Variants in ZNF469 observed in about 807,000 individuals in gnomAD.
ZNF469 encodes zinc finger protein 469.
Under a neutral mutation model 1.0 loss-of-function variants are expected in ZNF469, and 1 was observed. The ratio of observed to expected loss-of-function variants is 1.00; its 90% CI spans 0.35 to 4.73. The LOEUF (loss-of-function observed/expected upper bound fraction) is 4.73, where lower values mean the gene tolerates loss of function less well. ZNF469 is among the 30% of genes most tolerant of loss of function. The pLI is 0.16. For synonymous variants in ZNF469, 2,703 were observed against 2,363.4 expected (o/e 1.14, Z -4.17); for missense variants, 6,100 against 5,356.3 (o/e 1.14, Z -4.33).
the ZNF469 span, among the ~76,000 whole-genome samples, chr16:88,315,378 G>A: frequency 1.3e-5 from 2 of 152,240 alleles, no homozygotes; most frequent in Non-Finnish European, 2.9e-5. Flanking sequence ...GACCCAGGAA[G>A]TGGGGGCCGT....
At chr16:88,411,118 G>C (rs1905148529) in intron 1 of ZNF469, among the ~76,000 whole-genome samples, 1 of 152,182 alleles carries the variant, frequency 6.6e-6, no homozygotes. Flanking sequence ...CCTATGTCTA[G>C]GTAAGGTCAC....
At position 88,434,957 on chromosome 16, in the gene ZNF469, G is replaced by C. The variant is rs878852985; in HGVS notation, c.7487G>C (p.Arg2496Pro). The C allele has an allele frequency of 9.7e-6, 15 of 1,549,758 alleles. No homozygotes were observed. In the East Asian group the frequency reaches 1.5e-4, roughly 15 times the overall value. The change falls in exon 3 of 3, where the codon CGG (arginine) becomes CCG (proline). Residue 2496 changes from arginine to proline, a missense_variant. Transcript: ENST00000565624. Reference sequence around the variant, plus strand: ...AGCCGGCACAAGGCCAGGAAGCACCGGCCACACCCGGGAGCCCCCGCGGAG... The same window carrying C: ...AGCCGGCACAAGGCCAGGAAGCACCCGCCACACCCGGGAGCCCCCGCGGAG... ...GLSRHKARKH[R>P]PHPGAPAEPS...
chr16:88,159,009 C>G, the ZNF469 span, among the ~76,000 whole-genome samples: 1 of 152,174 alleles, frequency 6.6e-6, no homozygotes, highest in Non-Finnish European at 1.5e-5. Flanking sequence ...TCAGTTTGTA[C>G]AGAACTTGTG....
At chr16:88,137,223 G>A in the ZNF469 span, among the ~76,000 whole-genome samples, 1 of 152,208 alleles carries the variant, frequency 6.6e-6, no homozygotes, top group East Asian at 1.9e-4. Context: ...AGCTATGCAT[G>A]TATACCACCA....
At chr16:88,252,067 A>G in the ZNF469 span, among the ~76,000 whole-genome samples, 1 of 148,610 alleles carries the variant, frequency 6.7e-6, no homozygotes, top group East Asian at 2.0e-4. Context: ...GTCCTCTTCA[A>G]GCATCTACGG....
the ZNF469 span, among the ~76,000 whole-genome samples, chr16:88,217,336 A>T: frequency 6.6e-6 from 1 of 151,966 alleles, no homozygotes; most frequent in East Asian, 1.9e-4. Flanking sequence ...GAGCTTTCTG[A>T]TCCTTTAGAG....
intron 1 of ZNF469, among the ~76,000 whole-genome samples, chr16:88,406,330 T>C (rs1220848515): frequency 6.6e-6 from 1 of 152,182 alleles, no homozygotes; most frequent in African/African-American, 2.4e-5. Context: ...GTGGAATGTG[T>C]CTCAGGATGG....
chr16:88,424,163 C>A lies in ZNF469; in HGVS notation c.-191-644C>A, dbSNP rs1905601563. Among the ~76,000 whole-genome samples, 1 of 152,216 alleles carries A rather than the reference C, an allele frequency of 6.6e-6. No individual in the cohort carries two copies. The highest frequency in any genetic ancestry group is 2.1e-4 in the South Asian group (1 of 4,830). On this transcript the variant is annotated intron_variant, in intron 1 of 2. Transcript: ENST00000565624. This position sits in a 1 kb window ranked among gnomAD's most constrained non-coding sequence, Gnocchi z 4.3. ...ATGCAGGCAGCAGCCCAGTGTCCAT[C>A]CAGACAGGTCTGGGTGCTCTGCAGC...
upstream of ZNF469, among the ~76,000 whole-genome samples, chr16:88,380,275 CCA>C (rs1158266965): frequency 3.0e-5 from 3 of 100,306 alleles, no homozygotes; most frequent in Non-Finnish European, 5.5e-5. Context: ...ACTCACACAC[CCA>C]GACATGCACA....
the ZNF469 span, among the ~76,000 whole-genome samples, chr16:88,114,706 C>G: frequency 2.0e-5 from 3 of 152,208 alleles, no homozygotes; most frequent in Non-Finnish European, 2.9e-5. Flanking sequence ...GCGGGCCTGG[C>G]CCCCAGATGC....
At chr16:88,307,635 G>A in the ZNF469 span, among the ~76,000 whole-genome samples, 1 of 152,150 alleles carries the variant, frequency 6.6e-6, no homozygotes, top group Admixed American at 6.5e-5. Flanking sequence ...GACCATTTGT[G>A]TATCTTCTTC....
rs1905648697 is a variant in ZNF469 at position 88,425,274 on chromosome 16, C to G, written c.-127+403C>G. On this transcript the variant is annotated intron_variant, in intron 2 of 2. Coordinates refer to ENST00000565624, the MANE Select transcript of ZNF469 (RefSeq NM_001367624.2). The stretch of plus-strand genomic sequence containing the variant: ...TGCTCCATCTGGGCTGAGGTCCCCA[C>G]TCTGAGCCCCCTCCTCCTCCATCAC... 2.0e-5 allele frequency among the ~76,000 whole-genome samples: 3 copies of G among 152,320 alleles called. No individual in the cohort carries two copies. The South Asian group carries it at 6.2e-4, about 32-fold the overall frequency.
the ZNF469 span, among the ~76,000 whole-genome samples, chr16:88,335,016 G>C: frequency 3.3e-5 from 5 of 152,242 alleles, no homozygotes; most frequent in African/African-American, 1.2e-4. Context: ...ACACATGTGT[G>C]ATGGAGACGG....
At chr16:88,263,817 C>G in the ZNF469 span, among the ~76,000 whole-genome samples, 39,412 of 151,926 alleles carry the variant, frequency 0.26, 5,439 homozygotes, top group East Asian at 0.45. Context: ...CTGCTGAGAA[C>G]AAACCCTGGG....
the ZNF469 span, among the ~76,000 whole-genome samples, chr16:88,107,687 T>C: frequency 6.6e-6 from 1 of 152,186 alleles, no homozygotes; most frequent in African/African-American, 2.4e-5. Context: ...CAGAGGAAGA[T>C]TCGGCCCACA....
chr16:88,219,351 C>G, the ZNF469 span, among the ~76,000 whole-genome samples: 2 of 139,610 alleles, frequency 1.4e-5, no homozygotes, highest in African/African-American at 5.5e-5. Flanking sequence ...AGGCATCACA[C>G]TACCTGACTT....
chr16:88,210,840 C>G, the ZNF469 span, among the ~76,000 whole-genome samples: 1 of 152,180 alleles, frequency 6.6e-6, no homozygotes, highest in Non-Finnish European at 1.5e-5. Context: ...GTTTTAATGC[C>G]TGGTAAAGCT....
the ZNF469 span, among the ~76,000 whole-genome samples, chr16:88,265,162 G>A: frequency 6.6e-6 from 1 of 152,184 alleles, no homozygotes; most frequent in African/African-American, 2.4e-5. Flanking sequence ...GGGGAGTCCC[G>A]CTCTGCCCTG....
rs1225496222 is a variant in ZNF469, at chr16:88,430,917, C to T, written c.3447C>T (p.Asp1149=). The change falls in exon 3 of 3, where the codon GAC becomes GAT. Residue 1149 remains aspartate (D), a synonymous_variant. Transcript: ENST00000565624. ...CGGCGAGGCAGGAAGCCGGCGGGGA[C>T]GGAGCCCCCGCGAACCCCGAGGAGC... The part of the protein sequence containing the change: ...RKAARQEAGG[D]GAPANPEEPG... The T allele has an allele frequency of 6.5e-7, 1 of 1,536,736 alleles. No homozygotes were observed. Among genetic ancestry groups the T allele is most frequent in the Admixed American group, 2.0e-5 (1 of 50,738 alleles).
Sources: gnomAD v4.1 joint callset for allele counts (sites outside exome capture counted in the v4.1 genomes callset) on GRCh38, gnomAD v4.1.1 for gene constraint, Gnocchi (gnomAD v3.1) non-coding constraint, MANE v1.5 for transcripts, NCBI Gene and HGNC (gene_info 2026-07-23, HGNC 2026-07-21) for gene names.